Variants in UNC5D observed in about 807,000 individuals in gnomAD.
UNC5D encodes the protein unc-5 netrin receptor D.
In UNC5D, 39 loss-of-function variants were observed where a neutral mutation model predicts 105.4. The observed-to-expected ratio is 0.37, with a 90% CI of 0.29 to 0.48. The LOEUF is 0.48. UNC5D is among the 20% of genes least tolerant of loss of function. The pLI is 0.98. For missense variants in UNC5D, 991 were observed against 1,202.4 expected (o/e 0.82, Z 2.60); for synonymous variants, 452 against 450.4 (o/e 1.00, Z -0.04).
intron 1 of UNC5D, among the ~76,000 whole-genome samples, chr8:35,517,569 C>T (rs776335516): frequency 5.9e-5 from 9 of 152,110 alleles, no homozygotes; most frequent in Non-Finnish European, 8.8e-5. Context: ...GTGGAGTCCT[C>T]GATGCCATGA....
intron 4 of UNC5D, among the ~76,000 whole-genome samples, chr8:35,656,474 C>G (rs1046645516): frequency 5.3e-5 from 8 of 152,028 alleles, no homozygotes; most frequent in Non-Finnish European, 8.8e-5. Context: ...TTTTCCCCAT[C>G]ATCCAAGGGA....
chr8:35,568,092 C>G lies in UNC5D; in HGVS notation c.323-6C>G, dbSNP rs1350825006. 1 of 1,613,652 alleles carries G rather than the reference C, an allele frequency of 6.2e-7. No homozygotes were observed. The highest frequency in any genetic ancestry group is 8.5e-7 in the Non-Finnish European group (1 of 1,179,860). On this transcript the variant is annotated splice_region_variant and splice_polypyrimidine_tract_variant and intron_variant, in intron 2 of 16. Transcript: ENST00000404895. ...CTGATTTGTCTCTTATCTCTCCCAC[C>G]ATCAGGTTTGAAGGTCCGCGAAGTG... is the stretch of plus-strand genomic sequence containing the variant.
chr8:35,322,910 C>G (rs1206189936), intron 1 of UNC5D, among the ~76,000 whole-genome samples: 2 of 152,126 alleles, frequency 1.3e-5, no homozygotes, highest in Non-Finnish European at 2.9e-5. Context: ...CACATAATAT[C>G]TAGTTAGAGC....
chr8:35,358,496 G>T (rs1279749786), intron 1 of UNC5D, among the ~76,000 whole-genome samples: 2 of 152,174 alleles, frequency 1.3e-5, no homozygotes, highest in East Asian at 3.9e-4. Flanking sequence ...AGTGGTGAGG[G>T]TCAGGGGAAG....
chr8:35,686,463 A>C, intron 6 of UNC5D, 82 bp from the exon 7 acceptor site: 3 of 1,406,764 alleles, frequency 2.1e-6, no homozygotes, highest in Non-Finnish European at 2.8e-6. Context: ...ATCCAGCTCT[A>C]GAACAACAGC....
At chr8:35,742,595 T>C (rs747542781) in intron 11 of UNC5D, among the ~76,000 whole-genome samples, 1 of 152,132 alleles carries the variant, frequency 6.6e-6, no homozygotes, top group Non-Finnish European at 1.5e-5. Context: ...AAGGAGGGAA[T>C]GGTAATTACC....
At chr8:35,705,201 T>C (rs1827489580) in intron 7 of UNC5D, among the ~76,000 whole-genome samples, 1 of 152,140 alleles carries the variant, frequency 6.6e-6, no homozygotes, top group South Asian at 2.1e-4. Context: ...CCTGACCTCG[T>C]GATCCGCCCG....
chr8:35,403,529 G>A (rs777498594), intron 1 of UNC5D, among the ~76,000 whole-genome samples: 1 of 152,198 alleles, frequency 6.6e-6, no homozygotes, highest in East Asian at 1.9e-4. Context: ...GTGACCAGAA[G>A]TATTTTGGAT....
rs570695703 is a variant in UNC5D, at chr8:35,385,321, C to A, written c.103+149434C>A. On this transcript the variant is annotated intron_variant, in intron 1 of 16. Transcript: ENST00000404895. ...CTTTGGACCTGTTAAAGCTGCCATT[C>A]CGCACACAAACTCTGGTAGCACCTA... 1.7e-4 allele frequency among the ~76,000 whole-genome samples: 26 copies of A among 152,272 alleles called. No homozygotes were observed. In the East Asian group the frequency reaches 4.6e-3, roughly 27 times the overall value.
At chr8:35,251,508 T>C (rs1445796199) in intron 1 of UNC5D, among the ~76,000 whole-genome samples, 1 of 152,082 alleles carries the variant, frequency 6.6e-6, no homozygotes, top group Admixed American at 6.6e-5. Flanking sequence ...TTTGCATGAG[T>C]GAAATTGAAT....
intron 2 of UNC5D, among the ~76,000 whole-genome samples, chr8:35,555,932 G>C (rs977196915): frequency 7.5e-6 from 1 of 134,158 alleles, no homozygotes; most frequent in African/African-American, 2.6e-5. Flanking sequence ...CACAGAAAAA[G>C]AAACCTGAGG....
chr8:35,710,762 T>C (rs1448029589), intron 8 of UNC5D, among the ~76,000 whole-genome samples: 1 of 152,026 alleles, frequency 6.6e-6, no homozygotes, highest in Non-Finnish European at 1.5e-5. Flanking sequence ...AGGAAAATGG[T>C]GTCCCAGAAG....
At chr8:35,491,300 A>T (rs1554542935) in intron 1 of UNC5D, among the ~76,000 whole-genome samples, 1 of 151,350 alleles carries the variant, frequency 6.6e-6, no homozygotes, top group Non-Finnish European at 1.5e-5. Context: ...TTTGCCATGT[A>T]TTTTTTTTAA....
rs139556687 is a variant in UNC5D at position 35,456,446 on chromosome 8, A to G, written c.104-92846A>G. ...CTGCTGAAGGTCACAACAAGCCCCAATTATAAGTTTGGATACAATTAGCTC... is the reference window on the plus strand; with the variant it reads ...CTGCTGAAGGTCACAACAAGCCCCAGTTATAAGTTTGGATACAATTAGCTC... On this transcript the variant is annotated intron_variant, in intron 1 of 16. Coordinates refer to ENST00000404895, the MANE Select transcript of UNC5D (RefSeq NM_080872.4). Among the ~76,000 whole-genome samples the G allele has an allele frequency of 2.2e-3, 329 of 152,302 alleles. 1 individual carries two copies. The highest frequency in any genetic ancestry group is 0.014 in the Middle Eastern group (4 of 292).
chr8:35,762,053 T>C (rs1002125644), intron 14 of UNC5D, among the ~76,000 whole-genome samples: 10 of 152,152 alleles, frequency 6.6e-5, no homozygotes, highest in Non-Finnish European at 1.5e-4. Context: ...TTTCCTTCAA[T>C]TGGTGAATCT....
chr8:35,482,839 G>A (rs925898147), intron 1 of UNC5D, among the ~76,000 whole-genome samples: 16 of 110,190 alleles, frequency 1.5e-4, no homozygotes, highest in South Asian at 5.8e-4. Context: ...TCTTGCTCTC[G>A]TCCCCCAGGC....
intron 3 of UNC5D, among the ~76,000 whole-genome samples, chr8:35,576,557 G>A (rs1818100800): frequency 6.6e-6 from 1 of 152,158 alleles, no homozygotes; most frequent in Admixed American, 6.6e-5. Flanking sequence ...ACTGGGGAAG[G>A]AATCCTGCAT....
intron 1 of UNC5D, among the ~76,000 whole-genome samples, chr8:35,263,968 CT>C (rs1406762134): frequency 1.3e-5 from 2 of 152,130 alleles, no homozygotes; most frequent in African/African-American, 4.8e-5. Flanking sequence ...TGATTTTTTG[CT>C]ATAATTAATA....
chr8:35,695,642 A>T (rs1045302549), intron 7 of UNC5D, among the ~76,000 whole-genome samples: 2 of 152,168 alleles, frequency 1.3e-5, no homozygotes, highest in African/African-American at 4.8e-5. Context: ...TGAGAGTAGG[A>T]TATACAGGCT....
Sources: gnomAD v4.1 joint callset for allele counts (sites outside exome capture counted in the v4.1 genomes callset) on GRCh38, gnomAD v4.1.1 for gene constraint, MANE v1.5 for transcripts, NCBI Gene and HGNC (gene_info 2026-07-23, HGNC 2026-07-21) for gene names.